ROBO2: variants seen among roughly 807,000 people sequenced by gnomAD.
ROBO2 encodes the protein roundabout homolog 2.
A neutral mutation model predicts 160.8 loss-of-function variants in ROBO2; 53 were observed. The observed-to-expected ratio is 0.33, with a 90% CI of 0.26 to 0.41. ROBO2 has a LOEUF of 0.41. Ranked by LOEUF, ROBO2 falls within the 10% of genes least tolerant of loss-of-function variation. The pLI, the probability that ROBO2 is intolerant of heterozygous loss-of-function variation, is 1.00. For missense variants in ROBO2, 1,577 were observed against 1,722.4 expected (o/e 0.92, Z 1.49); for synonymous variants, 664 against 611.7 (o/e 1.09, Z -1.26).
At chr3:76,483,742 A>G (rs894101463) in intron 2 of ROBO2, among the ~76,000 whole-genome samples, 12 of 151,968 alleles carry the variant, frequency 7.9e-5, no homozygotes, top group Admixed American at 7.2e-4. Flanking sequence ...GATAGGCCCC[A>G]GTGTGTGCTA....
intron 2 of ROBO2, among the ~76,000 whole-genome samples, chr3:76,981,952 C>T (rs1384332275): frequency 6.6e-6 from 1 of 152,136 alleles, no homozygotes; most frequent in Non-Finnish European, 1.5e-5. Context: ...GATGCACCCC[C>T]ATCATTCAGA....
intron 2 of ROBO2, among the ~76,000 whole-genome samples, chr3:76,250,426 T>C (rs1279209134): frequency 2.6e-5 from 4 of 152,060 alleles, no homozygotes; most frequent in African/African-American, 4.8e-5. Context: ...AAAATCACAC[T>C]GGGTGTGAAT....
chr3:76,644,404 A>G (rs898243305), intron 2 of ROBO2, among the ~76,000 whole-genome samples: 5 of 152,204 alleles, frequency 3.3e-5, no homozygotes, highest in Non-Finnish European at 7.3e-5. Context: ...ACCCATGTCA[A>G]TCACTCCTGA....
intron 2 of ROBO2, among the ~76,000 whole-genome samples, chr3:77,139,267 G>T (rs1228370575): frequency 1.3e-5 from 2 of 152,018 alleles, no homozygotes; most frequent in Non-Finnish European, 2.9e-5. Flanking sequence ...GTAATTTTCT[G>T]ATGTTGAAAA....
intron 2 of ROBO2, among the ~76,000 whole-genome samples, chr3:77,289,437 A>T (rs28604332): frequency 3.3e-5 from 5 of 150,386 alleles, no homozygotes; most frequent in Non-Finnish European, 7.4e-5. Context: ...TCACCCCAGA[A>T]ATTAAGTAAA....
intron 2 of ROBO2, among the ~76,000 whole-genome samples, chr3:76,680,833 G>T (rs2092542170): frequency 6.6e-6 from 1 of 152,014 alleles, no homozygotes. Flanking sequence ...CTAGAGTGCA[G>T]TGGCGCAATC....
At chr3:77,352,516 G>A (rs1360781326) in intron 2 of ROBO2, among the ~76,000 whole-genome samples, 1 of 152,040 alleles carries the variant, frequency 6.6e-6, no homozygotes, top group African/African-American at 2.4e-5. Flanking sequence ...TGGGAGAATT[G>A]CAAGGCTACG....
chr3:76,464,043 G>T (rs761737420), intron 2 of ROBO2, among the ~76,000 whole-genome samples: 4 of 152,114 alleles, frequency 2.6e-5, no homozygotes, highest in Non-Finnish European at 4.4e-5. Flanking sequence ...AGAGAAATAG[G>T]CATTGACAGA....
chr3:77,554,754 T>C (rs2093049744), intron 8 of ROBO2, among the ~76,000 whole-genome samples: 1 of 152,008 alleles, frequency 6.6e-6, no homozygotes, highest in Non-Finnish European at 1.5e-5. Flanking sequence ...AATTGCTTCT[T>C]AGGGATGACC....
intron 2 of ROBO2, among the ~76,000 whole-genome samples, chr3:76,400,647 A>C (rs2077759197): frequency 6.6e-6 from 1 of 151,636 alleles, no homozygotes; most frequent in African/African-American, 2.4e-5. Flanking sequence ...ACATCATCAC[A>C]CATCTGATAC....
At chr3:77,635,018 T>A in exon 24 of ROBO2, 9 of 1,614,086 alleles carry the variant, frequency 5.6e-6, no homozygotes, top group Non-Finnish European at 7.6e-6. Context: ...CAGCATTGCC[T>A]CATCGAAGGG....
At chr3:77,415,457 G>A (rs1157053831) in intron 2 of ROBO2, among the ~76,000 whole-genome samples, 1 of 152,178 alleles carries the variant, frequency 6.6e-6, no homozygotes, top group African/African-American at 2.4e-5. Context: ...CTCTGCAATA[G>A]TCCAGGCTAA....
At chr3:76,331,569 C>A (rs944085824) in intron 2 of ROBO2, among the ~76,000 whole-genome samples, 3 of 152,094 alleles carry the variant, frequency 2.0e-5, no homozygotes, top group Non-Finnish European at 4.4e-5. Flanking sequence ...ACATTCTCAA[C>A]CCATGGCCAA....
intron 2 of ROBO2, among the ~76,000 whole-genome samples, chr3:77,154,561 G>A (rs190162553): frequency 5.1e-4 from 78 of 152,070 alleles, no homozygotes; most frequent in African/African-American, 1.7e-3. Context: ...ACCAAAAGGC[G>A]CATGCACTGG....
chr3:77,052,710 A>G (rs2065344708), intron 1 of ROBO2, among the ~76,000 whole-genome samples: 1 of 152,228 alleles, frequency 6.6e-6, no homozygotes, highest in African/African-American at 2.4e-5. Context: ...AAAATCAGTT[A>G]GCCATTCTTA....
At chr3:76,136,085 G>A (rs1037207655) in intron 2 of ROBO2, among the ~76,000 whole-genome samples, 7 of 152,188 alleles carry the variant, frequency 4.6e-5, no homozygotes, top group Admixed American at 2.6e-4. Flanking sequence ...ATCTGACGTC[G>A]TAGACAGCTT....
intron 1 of ROBO2, among the ~76,000 whole-genome samples, chr3:75,923,232 A>G (rs1947143810): frequency 2.6e-5 from 4 of 152,188 alleles, no homozygotes; most frequent in African/African-American, 9.7e-5. Flanking sequence ...AAGTGTGAAA[A>G]GTATCCTGCA....
intron 2 of ROBO2, among the ~76,000 whole-genome samples, chr3:77,191,259 T>G (rs1348084496): frequency 6.6e-6 from 1 of 152,138 alleles, no homozygotes; most frequent in Non-Finnish European, 1.5e-5. Context: ...TAATCGGTAT[T>G]GTAAGTTTAC....
At chr3:76,073,367 C>T (rs1033409341) in intron 2 of ROBO2, among the ~76,000 whole-genome samples, 3 of 142,492 alleles carry the variant, frequency 2.1e-5, no homozygotes, top group African/African-American at 5.2e-5. Flanking sequence ...GATCTGGGCT[C>T]ACTGCAAGCT....
Sources: gnomAD v4.1 joint callset for allele counts (sites outside exome capture counted in the v4.1 genomes callset) on GRCh38, gnomAD v4.1.1 for gene constraint, MANE v1.5 for transcripts, NCBI Gene and HGNC (gene_info 2026-07-23, HGNC 2026-07-21) for gene names.